Variants in CSNK1G3 observed in about 807,000 individuals in gnomAD.
CSNK1G3 encodes the protein casein kinase I isoform gamma-3.
CSNK1G3 carries 23 observed loss-of-function variants against 64.3 expected under a neutral mutation model. The observed-to-expected ratio is 0.36, with a 90% CI of 0.26 to 0.51. The LOEUF (loss-of-function observed/expected upper bound fraction) is 0.51, where lower values mean the gene tolerates loss of function less well. Ranked by LOEUF, CSNK1G3 falls within the 20% of genes least tolerant of loss-of-function variation. The pLI is 0.96. For missense variants in CSNK1G3, 357 were observed against 510.5 expected (o/e 0.70, Z 2.90); for synonymous variants, 158 against 162.2 (o/e 0.97, Z 0.20).
chr5:123,586,363 C>T (rs1390684449), intron 6 of CSNK1G3, among the ~76,000 whole-genome samples: 1 of 152,062 alleles, frequency 6.6e-6, no homozygotes, highest in Non-Finnish European at 1.5e-5. Context: ...TTAAAACTTA[C>T]CAAACTATAC....
chr5:123,556,981 G>A (rs1201445210), intron 3 of CSNK1G3, among the ~76,000 whole-genome samples: 1 of 152,006 alleles, frequency 6.6e-6, no homozygotes, highest in Non-Finnish European at 1.5e-5. Context: ...AGGGATATAT[G>A]GAGTTAATAT....
At chr5:123,561,218 A>G (rs928645563) in intron 4 of CSNK1G3, among the ~76,000 whole-genome samples, 1 of 152,144 alleles carries the variant, frequency 6.6e-6, no homozygotes, top group Admixed American at 6.6e-5. Flanking sequence ...GCAAAAATTT[A>G]ATGTATTGAA....
At chr5:123,591,334 G>A (rs768955311) in exon 10 of CSNK1G3, 19 of 1,606,470 alleles carry the variant, frequency 1.2e-5, no homozygotes, top group Non-Finnish European at 1.4e-5. Flanking sequence ...TCCAGTGGGT[G>A]CAGTTCAGCA....
exon 9 of CSNK1G3, chr5:123,590,521 T>C: frequency 6.5e-7 from 1 of 1,529,864 alleles, no homozygotes; most frequent in Non-Finnish European, 8.7e-7. Context: ...AAAGGATATA[T>C]GTTTGATTAT....
intron 3 of CSNK1G3, among the ~76,000 whole-genome samples, chr5:123,556,131 C>T (rs1459317415): frequency 6.6e-6 from 1 of 151,972 alleles, no homozygotes; most frequent in East Asian, 1.9e-4. Context: ...CTGTACTATC[C>T]TGCCTCTCAA....
chr5:123,514,644 T>C (rs1307630422), intron 1 of CSNK1G3, among the ~76,000 whole-genome samples: 1 of 151,888 alleles, frequency 6.6e-6, no homozygotes, highest in Non-Finnish European at 1.5e-5. Context: ...AAATTTTGAA[T>C]GGATGTAGAG....
intron 1 of CSNK1G3, among the ~76,000 whole-genome samples, chr5:123,518,247 G>C (rs1319267012): frequency 6.6e-6 from 1 of 152,210 alleles, no homozygotes; most frequent in African/African-American, 2.4e-5. Flanking sequence ...CAGTCCAAAT[G>C]GAAAGGAGAA....
In CSNK1G3 at chr5:123,553,203, CTT is replaced by C. The variant is rs533380974; in HGVS notation, c.219+57_219+58del. The C allele has an allele frequency of 1.4e-4, 132 of 910,590 alleles. 1 individual carries two copies. The Middle Eastern group carries it at 1.6e-3, about 11-fold the overall frequency. The allele number at this position is 910,590 out of a possible 1,614,324, so 56.4% of individuals were successfully genotyped here. A position where few individuals can be genotyped will look rare whatever the true frequency, so the allele number is the denominator to read the frequency against. On this transcript the variant is annotated intron_variant, in intron 3 of 12. Coordinates refer to ENST00000345990, the Ensembl canonical transcript of CSNK1G3. ...GATTTCTTTGTTACTTTTTAAGTAACTTATATATTTTAATTATTTTTTGTTTT... is the reference window on the plus strand; with the variant it reads ...GATTTCTTTGTTACTTTTTAAGTAACATATATTTTAATTATTTTTTGTTTT...
intron 1 of CSNK1G3, among the ~76,000 whole-genome samples, chr5:123,517,924 T>A (rs1465516283): frequency 7.0e-6 from 1 of 142,434 alleles, no homozygotes; most frequent in African/African-American, 2.7e-5. Flanking sequence ...AATAACATCC[T>A]CTTTAAGAAA....
chr5:123,581,893 G>T lies in CSNK1G3; in HGVS notation c.673+5930G>T, dbSNP rs537351226. 1.3e-5 allele frequency among the ~76,000 whole-genome samples: 2 copies of T among 151,882 alleles called. 1 individual carries two copies. Among genetic ancestry groups the T allele is most frequent in the South Asian group, 4.1e-4 (2 of 4,822 alleles). ...TATCTTTTTTTTACTTATAAGAAAT[G>T]ATTTAAACTTTATTCAGGGAGAATT... On this transcript the variant is annotated intron_variant, in intron 6 of 12. Transcript: ENST00000345990.
intron 5 of CSNK1G3, among the ~76,000 whole-genome samples, chr5:123,573,821 A>T (rs1345457118): frequency 1.3e-5 from 2 of 151,702 alleles, no homozygotes; most frequent in African/African-American, 2.4e-5. Context: ...AAAGATGATT[A>T]CTTCAAAAGA....
intron 3 of CSNK1G3, among the ~76,000 whole-genome samples, chr5:123,553,931 A>G (rs1015472576): frequency 4.6e-5 from 7 of 152,106 alleles, no homozygotes; most frequent in African/African-American, 1.4e-4. Context: ...CAGCCTTCTT[A>G]TATACATACA....
chr5:123,593,185 G>GT lies in CSNK1G3; in HGVS notation c.1086+1771_1086+1772insT, dbSNP rs1792732436. Among the ~76,000 whole-genome samples the GT allele has an allele frequency of 5.5e-5, 7 of 126,874 alleles. No individual in the cohort carries two copies. The South Asian group carries it at 1.7e-3, about 32-fold the overall frequency. The allele number at this position is 126,874 out of a possible 152,430, so 83.2% of individuals were successfully genotyped here. On this transcript the variant is annotated intron_variant, in intron 10 of 12. Transcript: ENST00000345990. The stretch of plus-strand genomic sequence containing the variant: ...CCAGTCCTTGCACTAAATGTAGGGT[G>GT]GGTGTGTGTGTATATATACACACAC...
At chr5:123,567,663 A>G (rs1787193394) in intron 4 of CSNK1G3, among the ~76,000 whole-genome samples, 1 of 152,206 alleles carries the variant, frequency 6.6e-6, no homozygotes, top group South Asian at 2.1e-4. Context: ...TTTAATCAGC[A>G]GTATTATAAG....
chr5:123,544,861 G>A (rs1215304621), intron 1 of CSNK1G3, among the ~76,000 whole-genome samples: 1 of 152,024 alleles, frequency 6.6e-6, no homozygotes, highest in East Asian at 1.9e-4. Flanking sequence ...TTTTCTTTGA[G>A]GGGTGGGAAG....
Position 123,572,180 on chromosome 5 carries a change from C to CAT in CSNK1G3, c.290-1200_290-1199dup, listed in dbSNP as rs546566347. Reference sequence around the variant, plus strand: ...TTTTGTGGTAGTTCTTCTTATCAGGCATATATATATATATGTGTGAGAACC... The same window carrying CAT: ...TTTTGTGGTAGTTCTTCTTATCAGGCATATATATATATATATGTGTGAGAACC... On this transcript the variant is annotated intron_variant, in intron 4 of 12. Transcript: ENST00000345990. 6.2e-3 allele frequency among the ~76,000 whole-genome samples: 924 copies of CAT among 150,186 alleles called. 16 individuals carry two copies. The highest frequency in any genetic ancestry group is 0.041 in the Admixed American group (617 of 15,096).
At chr5:123,565,261 A>G (rs1181978586) in intron 4 of CSNK1G3, among the ~76,000 whole-genome samples, 2 of 152,292 alleles carry the variant, frequency 1.3e-5, no homozygotes, top group East Asian at 3.9e-4. Context: ...AGTGAAAAAA[A>G]CATATTTATG....
chr5:123,560,126 C>G (rs1007852083), intron 4 of CSNK1G3, among the ~76,000 whole-genome samples: 8 of 152,180 alleles, frequency 5.3e-5, no homozygotes, highest in Admixed American at 2.6e-4. Flanking sequence ...AAAAAATGCT[C>G]AACACCACTA....
chr5:123,545,837 A>T, exon 2 of CSNK1G3: 3 of 1,611,838 alleles, frequency 1.9e-6, no homozygotes, highest in Non-Finnish European at 2.5e-6. Flanking sequence ...GAGAATTACG[A>T]TTAGGTAAGA....
Sources: allele counts gnomAD v4.1 joint callset (sites outside exome capture counted in the v4.1 genomes callset), GRCh38; gene constraint gnomAD v4.1.1; transcripts MANE v1.5; gene names NCBI Gene and HGNC (gene_info 2026-07-23, HGNC 2026-07-21).